The following SLCO1C1 variants were observed in gnomAD, a reference collection of about 807,000 sequenced individuals.
The protein encoded by SLCO1C1 is solute carrier organic anion transporter family member 1C1, also known as OAT-RP-5.
In SLCO1C1, 70 loss-of-function variants were observed where a neutral mutation model predicts 76.4. The observed-to-expected ratio is 0.92, with a 90% CI of 0.76 to 1.12. The LOEUF is 1.12. SLCO1C1 is among the 50% of genes most tolerant of loss of function. The pLI is 0.00. For synonymous variants in SLCO1C1, 306 were observed against 286.1 expected (o/e 1.07, Z -0.70); for missense variants, 912 against 823.8 (o/e 1.11, Z -1.31).
At position 20,743,321 on chromosome 12, in the gene SLCO1C1, C is replaced by G; in HGVS notation, c.1750C>G (p.Leu584Val). The part of the protein sequence containing the change: ...ILLLRCIKPQ[L>V]KSFALGIYTL... Reference sequence around the variant, plus strand: ...TGATTTTAGGTGCATTAAGCCACAGCTTAAGTCTTTTGCCTTGGGTATCTA... The same window carrying G: ...TGATTTTAGGTGCATTAAGCCACAGGTTAAGTCTTTTGCCTTGGGTATCTA... The change falls in exon 13 of 15, where the codon CTT becomes GTT. Residue 584 changes from leucine (L) to valine (V), a missense_variant. By Grantham distance (32) the Leu-to-Val change is conservative (BLOSUM62 1). Coordinates refer to ENST00000266509, the MANE Select transcript of SLCO1C1 (RefSeq NM_017435.5). 1 of 1,612,518 alleles carries G rather than the reference C, an allele frequency of 6.2e-7. No homozygotes were observed. Among genetic ancestry groups the G allele is most frequent in the Non-Finnish European group, 8.5e-7 (1 of 1,179,196 alleles).
intron 10 of SLCO1C1, among the ~76,000 whole-genome samples, chr12:20,736,007 T>C (rs1024584072): frequency 2.0e-5 from 3 of 151,926 alleles, no homozygotes; most frequent in South Asian, 2.1e-4. Context: ...AGGAAAGATA[T>C]GAGGAATAAG....
At chr12:20,709,329 A>C (rs1214045191) in intron 4 of SLCO1C1, among the ~76,000 whole-genome samples, 1 of 152,194 alleles carries the variant, frequency 6.6e-6, no homozygotes, top group East Asian at 1.9e-4. Flanking sequence ...ACAGATAGCA[A>C]TTAGTAACAA....
Position 20,723,215 on chromosome 12 carries a change from C to G in SLCO1C1, c.1147C>G (p.Gln383Glu). Reference protein sequence around the residue: ...VTYKPKYIEQQYGQSSSRANF... With the variant: ...VTYKPKYIEQEYGQSSSRANF... ...GTACAAACCAAAGTACATTGAGCAG[C>G]AGTATGGACAGTCATCCTCCAGGGC... is the stretch of plus-strand genomic sequence containing the variant. Residue 383 changes from glutamine (Q) to glutamate (E), a missense_variant, in exon 9 of 15, where the codon CAG becomes GAG. Physicochemically the swap from Gln to Glu is conservative, Grantham distance 29. Coordinates refer to ENST00000266509, the MANE Select transcript of SLCO1C1 (RefSeq NM_017435.5). 1.9e-6 allele frequency: 3 copies of G among 1,613,962 alleles called. No individual in the cohort carries two copies. The highest frequency in any genetic ancestry group is 1.7e-5 in the Admixed American group (1 of 59,966).
chr12:20,713,374 C>T (rs779610448), intron 5 of SLCO1C1, among the ~76,000 whole-genome samples: 2 of 152,236 alleles, frequency 1.3e-5, no homozygotes, highest in South Asian at 2.1e-4. Context: ...CCACCGCGCC[C>T]GGCCAGATGT....
intron 10 of SLCO1C1, among the ~76,000 whole-genome samples, chr12:20,735,014 G>A (rs570345398): frequency 2.6e-5 from 4 of 152,056 alleles, no homozygotes; most frequent in Admixed American, 1.3e-4. Context: ...GTTAAAACTC[G>A]TCTTATAATT....
chr12:20,712,166 A>G (rs917936899), intron 5 of SLCO1C1, among the ~76,000 whole-genome samples: 2 of 152,218 alleles, frequency 1.3e-5, no homozygotes, highest in Non-Finnish European at 2.9e-5. Flanking sequence ...CATCTTAGAT[A>G]CATGGAAATA....
In SLCO1C1 at chr12:20,715,222, C is replaced by G. The variant is rs1233086712; in HGVS notation, c.613C>G (p.Gln205Glu). 1 of 1,613,986 alleles carries G rather than the reference C, an allele frequency of 6.2e-7. No homozygotes were observed. The highest frequency in any genetic ancestry group is 1.3e-5 in the African/African-American group (1 of 74,936). ...TCGTGGAATAGGAGAAACTCCCATT[C>G]AGCCTTTGGGCATTGCCTACCTGGA... is the stretch of plus-strand genomic sequence containing the variant. ...LLRGIGETPI[Q>E]PLGIAYLDDF... is the part of the protein sequence containing the mutation. The change falls in exon 6 of 15, where the codon CAG (glutamine) becomes GAG (glutamate). Residue 205 changes from glutamine (Q) to glutamate (E), a missense_variant. Transcript: ENST00000266509.
chr12:20,713,083 C>CTTTTTTTT (rs71039973), intron 5 of SLCO1C1, among the ~76,000 whole-genome samples: 2,093 of 142,420 alleles, frequency 0.015, 36 homozygotes, highest in Middle Eastern at 0.056. Flanking sequence ...AAGATGTTTT[C>CTTTTTTTT]TTTTTTTTTT....
intron 10 of SLCO1C1, 57 bp downstream of exon 10, chr12:20,733,161 TTGG>T: frequency 7.0e-7 from 1 of 1,429,732 alleles, no homozygotes; most frequent in South Asian, 1.5e-5. Flanking sequence ...AAATCAATTA[TTGG>T]TGGAGTTGCA....
intron 7 of SLCO1C1, among the ~76,000 whole-genome samples, chr12:20,720,809 G>C (rs112124137): frequency 0.027 from 4,162 of 152,098 alleles, 122 homozygotes; most frequent in African/African-American, 0.074. Flanking sequence ...ACTGGCCTGA[G>C]CAGCATGGAG....
intron 3 of SLCO1C1, 114 bp from the exon 4 acceptor site, chr12:20,705,835 G>C: frequency 9.8e-7 from 1 of 1,022,964 alleles, no homozygotes. Context: ...ATGATGCAGA[G>C]ATGGCTTAGT....
intron 12 of SLCO1C1, among the ~76,000 whole-genome samples, chr12:20,740,787 TTATATATATATATATA>T (rs71039980): frequency 1.1e-4 from 8 of 75,058 alleles, no homozygotes; most frequent in South Asian, 5.1e-4. Flanking sequence ...TTTATTTTAT[TTATATATATATATATA>T]TATATATATA....
chr12:20,718,666 G>T (rs1045237464), intron 7 of SLCO1C1, among the ~76,000 whole-genome samples: 2 of 152,070 alleles, frequency 1.3e-5, no homozygotes, highest in Non-Finnish European at 2.9e-5. Context: ...ATCTCACACA[G>T]ACATTCAATA....
intron 4 of SLCO1C1, among the ~76,000 whole-genome samples, chr12:20,710,353 C>T (rs1164974615): frequency 6.6e-6 from 1 of 151,052 alleles, no homozygotes; most frequent in African/African-American, 2.5e-5. Flanking sequence ...GAGTTCTTTA[C>T]TATTAATATG....
At position 20,723,128 on chromosome 12, in the gene SLCO1C1, G is replaced by C. The variant is rs1947762890; in HGVS notation, c.1060G>C (p.Val354Leu). The C allele has an allele frequency of 6.2e-7, 1 of 1,611,132 alleles. No individual in the cohort carries two copies. Among genetic ancestry groups the C allele is most frequent in the Non-Finnish European group, 8.5e-7 (1 of 1,179,138 alleles). ...PSLKNLFGNP[V>L]YFLYLCTSTV... Reference sequence around the variant, plus strand: ...ACTGAAGAATCTTTTTGGAAACCCAGTATACTTCCTATATTTATGTACAAG... The same window carrying C: ...ACTGAAGAATCTTTTTGGAAACCCACTATACTTCCTATATTTATGTACAAG... The change falls in exon 9 of 15, where the codon GTA (valine) becomes CTA (leucine). Residue 354 changes from valine (V) to leucine (L), a missense_variant. By Grantham distance (32) the Val-to-Leu change is conservative. Transcript: ENST00000266509.
At chr12:20,728,269 G>C (rs1337018508) in intron 9 of SLCO1C1, among the ~76,000 whole-genome samples, 1 of 152,084 alleles carries the variant, frequency 6.6e-6, no homozygotes, top group Non-Finnish European at 1.5e-5. Flanking sequence ...ATTGAATAGG[G>C]AGTCCTTTTT....
chr12:20,713,950 A>G (rs1947253178), intron 5 of SLCO1C1, among the ~76,000 whole-genome samples: 1 of 152,260 alleles, frequency 6.6e-6, no homozygotes, highest in Non-Finnish European at 1.5e-5. Context: ...TACAATTGCT[A>G]GGGCTAGAAT....
At position 20,732,949 on chromosome 12, in the gene SLCO1C1, T is replaced by TG. The variant is rs766878114; in HGVS notation, c.1233dup (p.Ile412AspfsTer37). ...CAGCAGTGGCCCTTGGAATATTCTC[T>TG]GGGGGGATAGTTATGAAAAAATTCA... On this transcript the variant is annotated frameshift_variant, in exon 10 of 15. Coordinates refer to ENST00000266509, the MANE Select transcript of SLCO1C1 (RefSeq NM_017435.5). LOFTEE classifies it high-confidence loss of function. 22 of 1,613,912 alleles carry TG rather than the reference T, an allele frequency of 1.4e-5. No individual in the cohort carries two copies. Among genetic ancestry groups the TG allele is most frequent in the Non-Finnish European group, 1.6e-5 (19 of 1,179,956 alleles).
intron 12 of SLCO1C1, among the ~76,000 whole-genome samples, chr12:20,740,967 T>A (rs1198969817): frequency 6.6e-6 from 1 of 151,498 alleles, no homozygotes; most frequent in African/African-American, 2.4e-5. Flanking sequence ...ATGGGGTAAT[T>A]TATAAAGGAA....
Sources: gnomAD v4.1 joint callset for allele counts (sites outside exome capture counted in the v4.1 genomes callset) on GRCh38, gnomAD v4.1.1 for gene constraint, MANE v1.5 for transcripts, NCBI Gene and HGNC (gene_info 2026-07-23, HGNC 2026-07-21) for gene names.